Variants in PSME4 observed in about 807,000 individuals in gnomAD.
The protein encoded by PSME4 is proteasome activator complex subunit 4.
PSME4 carries 89 observed loss-of-function variants against 253.9 expected under a neutral mutation model. That is an observed-to-expected ratio of 0.35 (90% CI 0.30 to 0.42). The LOEUF (loss-of-function observed/expected upper bound fraction) is 0.42. Among genes scored for constraint, PSME4 ranks in the 10% least tolerant of loss-of-function variants. PSME4 has a pLI of 1.00. For synonymous variants in PSME4, 851 were observed against 759.2 expected (o/e 1.12, Z -1.99); for missense variants, 2,014 against 2,195.2 (o/e 0.92, Z 1.65).
intron 15 of PSME4, 82 bp downstream of exon 15, chr2:53,923,239 A>G: frequency 6.7e-7 from 1 of 1,486,300 alleles, no homozygotes; most frequent in Non-Finnish European, 9.1e-7. Context: ...CATTTTAAGC[A>G]TAGAAGCACC....
intron 1 of PSME4, among the ~76,000 whole-genome samples, chr2:53,961,741 T>C (rs975944382): frequency 6.6e-6 from 1 of 152,132 alleles, no homozygotes; most frequent in Non-Finnish European, 1.5e-5. Flanking sequence ...AAACAGCACT[T>C]CAACATAAAT....
At chr2:53,937,793 T>C (rs1348029142) in intron 4 of PSME4, among the ~76,000 whole-genome samples, 2 of 151,826 alleles carry the variant, frequency 1.3e-5, no homozygotes, top group Non-Finnish European at 2.9e-5. Flanking sequence ...AGCCCAGGAG[T>C]TCAAGATTGG....
chr2:53,888,118 T>C (rs1263335427), intron 38 of PSME4, 129 bp from the exon 39 acceptor site: 1 of 875,270 alleles, frequency 1.1e-6, no homozygotes, highest in African/African-American at 1.8e-5. Context: ...TACTACAATA[T>C]CCACAACTCA....
chr2:53,937,639 T>G, intron 4 of PSME4, 99 bp from the exon 5 acceptor site: 1 of 1,071,126 alleles, frequency 9.3e-7, no homozygotes, highest in Non-Finnish European at 1.4e-6. Context: ...AGGAGGAGAA[T>G]ATATGTCATA....
At chr2:53,922,150 C>T (rs958406291) in intron 17 of PSME4, among the ~76,000 whole-genome samples, 2 of 150,950 alleles carry the variant, frequency 1.3e-5, no homozygotes, top group Non-Finnish European at 2.9e-5. Flanking sequence ...CCAGCGTGGG[C>T]GATAGTGAGA....
intron 24 of PSME4, 180 bp downstream of exon 24, chr2:53,908,140 T>A (rs1026962996): frequency 1.8e-6 from 1 of 551,036 alleles, no homozygotes. Flanking sequence ...ATAAGAAAAA[T>A]ATATTTTTTG....
rs1210100943 is a variant in PSME4, at chr2:53,897,941, G to A, written c.3535C>T (p.Arg1179Ter). Residue 1179 changes from arginine (R) to a stop codon, truncating the protein, a stop_gained, in exon 31 of 47, where the codon CGA becomes TGA. Coordinates refer to ENST00000404125, the MANE Select transcript of PSME4 (RefSeq NM_014614.3). LOFTEE classifies it high-confidence loss of function. ...GLLSLLLRDD[R>*]VLPLRAIRFF... ...CGTATGGCACGAAGAGGCAACACTCGGTCATCTCTCAGCAGTAGAGACAGA... is the reference window on the plus strand; with the variant it reads ...CGTATGGCACGAAGAGGCAACACTCAGTCATCTCTCAGCAGTAGAGACAGA... The A allele has an allele frequency of 1.2e-6, 2 of 1,612,934 alleles. No individual in the cohort carries two copies. Among genetic ancestry groups the A allele is most frequent in the South Asian group, 1.1e-5 (1 of 91,052 alleles).
chr2:53,955,230 G>GA (rs900069376), intron 1 of PSME4, among the ~76,000 whole-genome samples: 3 of 151,946 alleles, frequency 2.0e-5, no homozygotes, highest in African/African-American at 4.8e-5. Flanking sequence ...AAAATTTCCT[G>GA]AAAAAAAATC....
At chr2:53,949,792 T>C (rs1669892362) in intron 1 of PSME4, among the ~76,000 whole-genome samples, 1 of 152,178 alleles carries the variant, frequency 6.6e-6, no homozygotes, top group African/African-American at 2.4e-5. Context: ...ATAAAAGAAG[T>C]TGTACAACAA....
intron 37 of PSME4, among the ~76,000 whole-genome samples, chr2:53,889,700 G>T (rs879392263): frequency 6.6e-6 from 1 of 152,172 alleles, no homozygotes; most frequent in African/African-American, 2.4e-5. Context: ...GACATATCTG[G>T]TATAAAAAAT....
Position 53,903,969 on chromosome 2 carries a change from C to T in PSME4, c.3075+56G>A. Reference sequence around the variant, plus strand: ...ATGGATGTTTACCGTAGAATTTTTTCAGCTTTTCAGTATGTTTGAAAATGT... The same window carrying T: ...ATGGATGTTTACCGTAGAATTTTTTTAGCTTTTCAGTATGTTTGAAAATGT... On this transcript the variant is annotated intron_variant, in intron 27 of 46. Coordinates refer to ENST00000404125, the MANE Select transcript of PSME4 (RefSeq NM_014614.3). 6.9e-6 allele frequency: 10 copies of T among 1,441,386 alleles called. No homozygotes were observed. In the South Asian group the frequency reaches 1.4e-4, roughly 19 times the overall value. 89.3% of individuals were successfully genotyped at this position (1,441,386 alleles called of 1,614,324 possible).
In PSME4 at chr2:53,890,068, G is replaced by C. The variant is rs1364880203; in HGVS notation, c.4296+36C>G. 7 of 1,442,134 alleles carry C rather than the reference G, an allele frequency of 4.9e-6. No homozygotes were observed. In the Admixed American group the frequency reaches 8.4e-5, roughly 17 times the overall value. The allele number at this position is 1,442,134 out of a possible 1,614,324, so 89.3% of individuals were successfully genotyped here. A position where few individuals can be genotyped will look rare whatever the true frequency, so the allele number is the denominator to read the frequency against. On this transcript the variant is annotated intron_variant, in intron 37 of 46. Transcript: ENST00000404125. ...GAGACAGTATCAAACAGTTTGAATAGATCAGTTAGACAAAGAAAGATGTAG... is the reference window on the plus strand; with the variant it reads ...GAGACAGTATCAAACAGTTTGAATACATCAGTTAGACAAAGAAAGATGTAG...
chr2:53,902,956 C>A (rs1680480994), intron 27 of PSME4, among the ~76,000 whole-genome samples: 1 of 152,130 alleles, frequency 6.6e-6, no homozygotes, highest in Admixed American at 6.5e-5. Flanking sequence ...AAAACAATGA[C>A]TCTACTCACT....
chr2:53,875,883 G>T, intron 41 of PSME4, 128 bp from the exon 42 acceptor site: 1 of 799,772 alleles, frequency 1.3e-6, no homozygotes, highest in Non-Finnish European at 1.9e-6. Context: ...ACATAAACTA[G>T]AGAATAGCAT....
chr2:53,904,880 G>A (rs1437878736), intron 26 of PSME4, among the ~76,000 whole-genome samples: 15 of 149,380 alleles, frequency 1.0e-4, no homozygotes, highest in Admixed American at 4.0e-4. Flanking sequence ...CCCAGCTACC[G>A]GGGAGGCTGA....
intron 41 of PSME4, among the ~76,000 whole-genome samples, chr2:53,884,807 A>T (rs928166855): frequency 6.6e-6 from 1 of 152,212 alleles, no homozygotes; most frequent in African/African-American, 2.4e-5. Flanking sequence ...TTTATACCCC[A>T]AAAGATCCCA....
chr2:53,937,365 A>G (rs980331004), intron 5 of PSME4, 26 bp downstream of exon 5: 29 of 1,507,236 alleles, frequency 1.9e-5, no homozygotes, highest in Non-Finnish European at 2.6e-5. Flanking sequence ...TATTTTTAGA[A>G]TTTGTCAAGA....
chr2:53,922,536 T>C lies in PSME4; in HGVS notation c.2027A>G (p.Asn676Ser), dbSNP rs769024793. The C allele has an allele frequency of 7.4e-6, 12 of 1,612,922 alleles. No homozygotes were observed. Among genetic ancestry groups the C allele is most frequent in the Non-Finnish European group, 1.0e-5 (12 of 1,179,554 alleles). The change falls in exon 17 of 47, where the codon AAT becomes AGT. Residue 676 changes from asparagine to serine, a missense_variant. Transcript: ENST00000404125. ...DEELDKELLW[N>S]LQLLSEITRV... ...CAATACCTCAGACAAAAGTTGAAGA[T>C]TCCATAGTAATTCCTTGTCTAGCTC...
At chr2:53,871,360 C>G (rs1283364537) in intron 43 of PSME4, among the ~76,000 whole-genome samples, 1 of 152,084 alleles carries the variant, frequency 6.6e-6, no homozygotes, top group Non-Finnish European at 1.5e-5. Context: ...ATGCCATTCT[C>G]TTGCCTCAGC....
Sources: allele counts gnomAD v4.1 joint callset (sites outside exome capture counted in the v4.1 genomes callset), GRCh38; gene constraint gnomAD v4.1.1; transcripts MANE v1.5; gene names NCBI Gene and HGNC (gene_info 2026-07-23, HGNC 2026-07-21).